The following ZBTB43 variants were observed in gnomAD, a reference collection of about 807,000 sequenced individuals.
ZBTB43 encodes zinc finger and BTB domain containing 43, also known as zinc finger and BTB domain-containing protein 43.
In ZBTB43, 6 loss-of-function variants were observed where a neutral mutation model predicts 31.1. The observed-to-expected ratio is 0.19, with a 90% confidence interval of 0.11 to 0.38. The LOEUF (loss-of-function observed/expected upper bound fraction) is 0.38, where lower values mean the gene tolerates loss of function less well. Among genes scored for constraint, ZBTB43 ranks in the 10% least tolerant of loss-of-function variants. ZBTB43 has a pLI of 1.00. For missense variants in ZBTB43, 379 were observed against 602.1 expected, an observed-to-expected ratio of 0.63 and a Z score of 3.88; for synonymous variants, 212 against 221.7, an observed-to-expected ratio of 0.96 and a Z score of 0.39.
At chr9:126,828,416 C>A (rs889701551) in intron 2 of ZBTB43, among the ~76,000 whole-genome samples, 87 of 151,724 alleles carry the variant, frequency 5.7e-4, no homozygotes, top group African/African-American at 2.0e-3. Flanking sequence ...ATCTCCTGAC[C>A]TCGCAATCCA....
intron 2 of ZBTB43, among the ~76,000 whole-genome samples, chr9:126,827,878 T>C (rs2032677230): frequency 6.6e-6 from 1 of 152,094 alleles, no homozygotes; most frequent in Non-Finnish European, 1.5e-5. Context: ...CCGGGCATGG[T>C]GGCACATGCC....
At chr9:126,810,858 A>G (rs1335068260) in intron 2 of ZBTB43, among the ~76,000 whole-genome samples, 1 of 152,014 alleles carries the variant, frequency 6.6e-6, no homozygotes, top group Non-Finnish European at 1.5e-5. Context: ...AATGCATTGT[A>G]TATAATAAAA....
rs573669560 is a variant in ZBTB43 at position 126,833,352 on chromosome 9, G to A, written c.843G>A (p.Thr281=). ...TCAACACCGTGCAGACAGAGCACAC[G>A]GTGCAGCCTTCGGGAGTGGAGGAGG... is the stretch of plus-strand genomic sequence containing the variant. ...ESINTVQTEH[T]VQPSGVEEDF... is the part of the protein sequence containing the mutation. Residue 281 remains threonine, a synonymous_variant, in exon 3 of 3, where the codon ACG becomes ACA. Transcript: ENST00000373464. This position sits in a 1 kb window ranked among gnomAD's most constrained non-coding sequence, Gnocchi z 7.9. 6.4e-5 allele frequency: 104 copies of A among 1,612,926 alleles called. No individual in the cohort carries two copies. The South Asian group carries it at 9.5e-4, about 15-fold the overall frequency.
chr9:126,827,931 C>T (rs573851237), intron 2 of ZBTB43, among the ~76,000 whole-genome samples: 5 of 152,058 alleles, frequency 3.3e-5, no homozygotes, highest in Non-Finnish European at 7.4e-5. Flanking sequence ...GAGAATCAAT[C>T]GCTTGAACCC....
chr9:126,827,202 C>T (rs907915910), intron 2 of ZBTB43, among the ~76,000 whole-genome samples: 1 of 152,120 alleles, frequency 6.6e-6, no homozygotes, highest in African/African-American at 2.4e-5. Context: ...GGTAGATTTC[C>T]TTAAATGTCT....
At position 126,836,293 on chromosome 9, in the gene ZBTB43, T is replaced by C. The variant is rs929650821; in HGVS notation, c.*2380T>C. ...AAGCAGTCAGTTGTGCTAGGACTTA[T>C]TTAATATGTTGTGAAGAGAAGAGTG... On this transcript the variant is annotated 3_prime_UTR_variant, in exon 3 of 3. Coordinates refer to ENST00000373464, the MANE Select transcript of ZBTB43 (RefSeq NM_014007.4). 1 of 167,114 alleles carries C rather than the reference T, an allele frequency of 6.0e-6. No homozygotes were observed. The highest frequency in any genetic ancestry group is 1.5e-5 in the Non-Finnish European group (1 of 68,126). The allele number at this position is 167,114 out of a possible 1,614,324, so 10.4% of individuals were successfully genotyped here. A position where few individuals can be genotyped will look rare whatever the true frequency, so the allele number is the denominator to read the frequency against.
intron 1 of ZBTB43, among the ~76,000 whole-genome samples, chr9:126,805,810 TTC>T (rs750084055): frequency 6.6e-5 from 10 of 152,296 alleles, no homozygotes; most frequent in Non-Finnish European, 1.3e-4. Flanking sequence ...ATCTGTCTGT[TTC>T]TCTCTTTCTG....
chr9:126,826,744 G>A (rs1028655055), intron 2 of ZBTB43, among the ~76,000 whole-genome samples: 4 of 151,978 alleles, frequency 2.6e-5, no homozygotes, highest in Non-Finnish European at 5.9e-5. Context: ...GATTACAGGC[G>A]TGAGCCACCA....
At chr9:126,818,693 C>G (rs531670701) in intron 2 of ZBTB43, among the ~76,000 whole-genome samples, 1 of 152,246 alleles carries the variant, frequency 6.6e-6, no homozygotes, top group South Asian at 2.1e-4. Flanking sequence ...GTTGAACTAT[C>G]CTTGCATTCC....
chr9:126,819,615 C>T lies in ZBTB43; in HGVS notation c.-24+10700C>T, dbSNP rs554319351. Among the ~76,000 whole-genome samples the T allele has an allele frequency of 2.5e-4, 38 of 152,036 alleles. No individual in the cohort carries two copies. In the South Asian group the frequency reaches 6.7e-3, roughly 27 times the overall value. On this transcript the variant is annotated intron_variant, in intron 2 of 2. Transcript: ENST00000373464. ...CCCCTCTGTTCAGGCCTCCCTATTA[C>T]GTGATACACAACCACTTGAATTTAG...
Position 126,833,900 on chromosome 9 carries a change from C to G in ZBTB43, c.1391C>G (p.Thr464Ser). 6.3e-7 allele frequency: 1 copy of G among 1,577,140 alleles called. No homozygotes were observed. The highest frequency in any genetic ancestry group is 8.7e-7 in the Non-Finnish European group (1 of 1,153,096). Reference sequence around the variant, plus strand: ...GCTGCAAAGGCTGAGCAGAATACAACTGAGGCTAACTAAAAATAGGATCTG... The same window carrying G: ...GCTGCAAAGGCTGAGCAGAATACAAGTGAGGCTAACTAAAAATAGGATCTG... ...YEAAKAEQNT[T>S]EAN is the part of the protein sequence containing the mutation. The change falls in exon 3 of 3, where the codon ACT becomes AGT. Residue 464 changes from threonine to serine, a missense_variant. Physicochemically the swap from Thr to Ser is moderately conservative, Grantham distance 58. Transcript: ENST00000373464. The surrounding 1 kb of genome is among the most constrained non-coding windows in gnomAD (Gnocchi z 7.9).
chr9:126,830,813 CTTGTGTGCCA>C (rs142825816), intron 2 of ZBTB43, among the ~76,000 whole-genome samples: 4,711 of 151,456 alleles, frequency 0.031, 243 homozygotes, highest in African/African-American at 0.11. Flanking sequence ...CACAGCTCAT[CTTGTGTGCCA>C]TTGTTAGGAA....
Position 126,835,769 on chromosome 9 carries a change from G to A in ZBTB43, c.*1856G>A, listed in dbSNP as rs1232504031. The A allele has an allele frequency of 6.0e-6, 1 of 165,420 alleles. No individual in the cohort carries two copies. The highest frequency in any genetic ancestry group is 1.5e-5 in the Non-Finnish European group (1 of 67,886). 10.2% of individuals were successfully genotyped at this position (165,420 alleles called of 1,614,324 possible). ...CCTAGAAACTAGATATTACCTCTTG[G>A]TTGTTTGCCACATTAATAGCTTCTC... On this transcript the variant is annotated 3_prime_UTR_variant, in exon 3 of 3. Coordinates refer to ENST00000373464, the MANE Select transcript of ZBTB43 (RefSeq NM_014007.4).
At chr9:126,819,709 A>G (rs1352815029) in intron 2 of ZBTB43, among the ~76,000 whole-genome samples, 1 of 152,198 alleles carries the variant, frequency 6.6e-6, no homozygotes, top group African/African-American at 2.4e-5. Flanking sequence ...CTTACTTGAA[A>G]TCAAAAGCTA....
At chr9:126,807,508 G>A (rs1241626224) in intron 1 of ZBTB43, among the ~76,000 whole-genome samples, 4 of 152,154 alleles carry the variant, frequency 2.6e-5, no homozygotes, top group Non-Finnish European at 4.4e-5. Flanking sequence ...GGCAGTGACA[G>A]CTATTAAAAC....
At chr9:126,811,677 G>A (rs2032252723) in intron 2 of ZBTB43, among the ~76,000 whole-genome samples, 1 of 152,086 alleles carries the variant, frequency 6.6e-6, no homozygotes, top group Non-Finnish European at 1.5e-5. Flanking sequence ...CCAGGCTGGA[G>A]TGCAGTGGGG....
chr9:126,832,368 TG>T, intron 2 of ZBTB43, 118 bp from the exon 3 acceptor site: 2 of 920,724 alleles, frequency 2.2e-6, no homozygotes, highest in Non-Finnish European at 3.2e-6. Flanking sequence ...CCTTACCCAG[TG>T]GGGCCCATAG....
intron 2 of ZBTB43, among the ~76,000 whole-genome samples, chr9:126,820,899 C>G (rs549959966): frequency 2.0e-4 from 28 of 141,684 alleles, no homozygotes; most frequent in African/African-American, 6.0e-4. Context: ...GCCAGAGAGT[C>G]GAGGCTGCAG....
chr9:126,822,879 ATTGT>A (rs1158927414), intron 2 of ZBTB43, among the ~76,000 whole-genome samples: 4 of 152,006 alleles, frequency 2.6e-5, no homozygotes, highest in African/African-American at 7.2e-5. Context: ...GGCTCAGATG[ATTGT>A]TAGCATTTTT....
Sources: gnomAD v4.1 joint callset for allele counts (sites outside exome capture counted in the v4.1 genomes callset) on GRCh38, gnomAD v4.1.1 for gene constraint, Gnocchi (gnomAD v3.1) non-coding constraint, MANE v1.5 for transcripts, NCBI Gene and HGNC (gene_info 2026-07-23, HGNC 2026-07-21) for gene names.